Variants in SNX9 observed in about 807,000 individuals in gnomAD.
SNX9 encodes sorting nexin 9, also known as sorting nexin-9.
SNX9 carries 44 observed loss-of-function variants against 89.4 expected under a neutral mutation model. The observed-to-expected ratio is 0.49, with a 90% confidence interval of 0.39 to 0.63. SNX9 has a LOEUF of 0.63. Ranked by LOEUF, SNX9 falls within the 30% of genes least tolerant of loss-of-function variation. The probability of loss-of-function intolerance (pLI) is 0.00; values close to 1 mark genes in which losing one functional copy is unlikely to be tolerated. For synonymous variants in SNX9, 236 were observed against 247.8 expected, an observed-to-expected ratio of 0.95 and a Z score of 0.45; for missense variants, 578 against 736.1, an observed-to-expected ratio of 0.79 and a Z score of 2.49.
intron 10 of SNX9, among the ~76,000 whole-genome samples, chr6:157,923,829 C>T (rs1308121561): frequency 6.6e-6 from 1 of 152,210 alleles, no homozygotes. Flanking sequence ...ATAGTCTTTT[C>T]AGTAATTGGT....
intron 1 of SNX9, among the ~76,000 whole-genome samples, chr6:157,848,932 T>C (rs1055735130): frequency 1.3e-5 from 2 of 152,014 alleles, no homozygotes; most frequent in African/African-American, 4.8e-5. Flanking sequence ...AGAGGGAAGG[T>C]TGTGACATGT....
rs1446161332 is a variant in SNX9, at chr6:157,901,998, A to G, written c.573A>G (p.Arg191=). 31 of 1,613,998 alleles carry G rather than the reference A, an allele frequency of 1.9e-5. No individual in the cohort carries two copies. Among genetic ancestry groups the G allele is most frequent in the Non-Finnish European group, 2.6e-5 (31 of 1,179,972 alleles). Residue 191 remains arginine, a synonymous_variant, in exon 6 of 18, where the codon CGA becomes CGG. Coordinates refer to ENST00000392185, the MANE Select transcript of SNX9 (RefSeq NM_016224.5). ...SESADAGGAQ[R]GNSRASSSSM... ...CAGCTGATGCAGGCGGCGCTCAGCG[A>G]GGAAACAGTCGTGCTAGTTCCTCAT...
intron 10 of SNX9, among the ~76,000 whole-genome samples, chr6:157,922,147 G>T (rs1209829661): frequency 6.6e-6 from 1 of 152,164 alleles, no homozygotes; most frequent in East Asian, 1.9e-4. Flanking sequence ...GTCAGTGCTG[G>T]CCTCTCTCTC....
At chr6:157,845,099 A>G (rs1292364106) in intron 1 of SNX9, among the ~76,000 whole-genome samples, 1 of 132,454 alleles carries the variant, frequency 7.5e-6, no homozygotes, top group Non-Finnish European at 1.6e-5. Flanking sequence ...GCCCTTTCCC[A>G]TTTGTCTTTT....
intron 4 of SNX9, among the ~76,000 whole-genome samples, chr6:157,894,913 G>T (rs578135254): frequency 6.6e-6 from 1 of 152,306 alleles, no homozygotes; most frequent in Admixed American, 6.5e-5. Flanking sequence ...GAAAGGAGAG[G>T]TTTATAGGCA....
At chr6:157,882,218 A>G (rs1236524952) in intron 4 of SNX9, among the ~76,000 whole-genome samples, 1 of 152,234 alleles carries the variant, frequency 6.6e-6, no homozygotes, top group Non-Finnish European at 1.5e-5. Context: ...TGAATAGCCA[A>G]GCCTGGATGA....
chr6:157,855,536 A>G (rs1379835504), intron 1 of SNX9, among the ~76,000 whole-genome samples: 1 of 152,212 alleles, frequency 6.6e-6, no homozygotes, highest in East Asian at 1.9e-4. Flanking sequence ...TGGTGTTAGC[A>G]GAGTTTTGCT....
chr6:157,834,499 A>AC lies in SNX9; in HGVS notation c.12+11060dup, dbSNP rs201216200. Among the ~76,000 whole-genome samples, 609 of 147,710 alleles carry AC rather than the reference A, an allele frequency of 4.1e-3. 6 individuals carry two copies. Among genetic ancestry groups the AC allele is most frequent in the Middle Eastern group, 0.024 (7 of 286 alleles). The stretch of plus-strand genomic sequence containing the variant: ...GTAGCTTGGACTACAGCTGTGTGCC[A>AC]CCCCCCCGGCCAATTTTTTAAATTT... On this transcript the variant is annotated intron_variant, in intron 1 of 17. Transcript: ENST00000392185.
rs140187140 is a variant in SNX9 at position 157,927,447 on chromosome 6, T to C, written c.1184+233T>C. On this transcript the variant is annotated intron_variant, in intron 11 of 17. Coordinates refer to ENST00000392185, the MANE Select transcript of SNX9 (RefSeq NM_016224.5). ...TTTCACCTTGAAGCCAGTGATTTCA[T>C]AGTTGACACGGTGCTGAGTAGCTGT... 2.6e-3 allele frequency among the ~76,000 whole-genome samples: 390 copies of C among 152,312 alleles called. 1 individual carries two copies. The highest frequency in any genetic ancestry group is 8.7e-3 in the African/African-American group (363 of 41,568).
chr6:157,825,448 A>T lies in SNX9; in HGVS notation c.12+2002A>T, dbSNP rs1316352021. 3.3e-5 allele frequency among the ~76,000 whole-genome samples: 5 copies of T among 152,294 alleles called. No individual in the cohort carries two copies. The East Asian group carries it at 9.6e-4, about 29-fold the overall frequency. On this transcript the variant is annotated intron_variant, in intron 1 of 17. Coordinates refer to ENST00000392185, the MANE Select transcript of SNX9 (RefSeq NM_016224.5). ...TTATTTCATAGTTAATCCTGAACTT[A>T]ATTTTTTTCCAAAAAATCGAAAAGT...
intron 4 of SNX9, among the ~76,000 whole-genome samples, chr6:157,878,155 G>C (rs1358888901): frequency 1.6e-4 from 24 of 152,216 alleles, no homozygotes. Flanking sequence ...GGTGAGCAGA[G>C]TTGCTGGTGT....
Position 157,918,359 on chromosome 6 carries a change from C to T in SNX9, c.950-3172C>T, listed in dbSNP as rs572073024. On this transcript the variant is annotated intron_variant, in intron 9 of 17. Coordinates refer to ENST00000392185, the MANE Select transcript of SNX9 (RefSeq NM_016224.5). ...ACCTCTTATATCATGAGGTGTCCCCCATTGTCTCTAGTAAGATTTCCTGTG... is the reference window on the plus strand; with the variant it reads ...ACCTCTTATATCATGAGGTGTCCCCTATTGTCTCTAGTAAGATTTCCTGTG... Among the ~76,000 whole-genome samples, 3 of 152,206 alleles carry T rather than the reference C, an allele frequency of 2.0e-5. No homozygotes were observed. The South Asian group carries it at 6.2e-4, about 32-fold the overall frequency.
intron 1 of SNX9, among the ~76,000 whole-genome samples, chr6:157,839,791 C>G (rs1380699038): frequency 6.6e-6 from 1 of 152,182 alleles, no homozygotes; most frequent in East Asian, 1.9e-4. Flanking sequence ...GGCCTTTCCT[C>G]CTGCCCCTCA....
chr6:157,901,154 G>A (rs1253918022), intron 5 of SNX9, among the ~76,000 whole-genome samples: 1 of 152,138 alleles, frequency 6.6e-6, no homozygotes, highest in African/African-American at 2.4e-5. Flanking sequence ...ACATGCTGTT[G>A]GCTCATTCTG....
chr6:157,836,802 C>A (rs9365485), intron 1 of SNX9, among the ~76,000 whole-genome samples: 67,871 of 151,716 alleles, frequency 0.45, 16,117 homozygotes, highest in Admixed American at 0.58. Context: ...CATGTTAGCC[C>A]GGATGGTCTC....
At chr6:157,854,975 C>T (rs1332180447) in intron 1 of SNX9, among the ~76,000 whole-genome samples, 1 of 149,234 alleles carries the variant, frequency 6.7e-6, no homozygotes, top group Non-Finnish European at 1.5e-5. Flanking sequence ...AAAAACCCCA[C>T]AACACTACAA....
rs372541232 is a variant in SNX9, at chr6:157,901,987, G to A, written c.562G>A (p.Gly188Ser). The A allele has an allele frequency of 2.5e-5, 40 of 1,613,524 alleles. No homozygotes were observed. The highest frequency in any genetic ancestry group is 1.6e-4 in the Middle Eastern group (1 of 6,084). ...FKDSESADAG[G>S]AQRGNSRASS... ...GGATTCAGAGTCAGCTGATGCAGGC[G>A]GCGCTCAGCGAGGAAACAGTCGTGC... Residue 188 changes from glycine to serine, a missense_variant, in exon 6 of 18, where the codon GGC becomes AGC. This residue lies in a region of SNX9 where 230 missense variants were observed against 244.7 expected (regional missense o/e 0.94). Coordinates refer to ENST00000392185, the MANE Select transcript of SNX9 (RefSeq NM_016224.5).
chr6:157,921,721 A>C, intron 10 of SNX9, 60 bp downstream of exon 10: 2 of 1,540,790 alleles, frequency 1.3e-6, no homozygotes, highest in East Asian at 2.3e-5. Flanking sequence ...TTCACACCAA[A>C]CTTATTTCTG....
chr6:157,893,844 T>G (rs1192350941), intron 4 of SNX9, among the ~76,000 whole-genome samples: 1 of 152,124 alleles, frequency 6.6e-6, no homozygotes, highest in Non-Finnish European at 1.5e-5. Context: ...GATGCTAAAG[T>G]TTATACATAA....
Sources: gnomAD v4.1 joint callset for allele counts (sites outside exome capture counted in the v4.1 genomes callset) on GRCh38, gnomAD v4.1.1 for gene constraint, gnomAD v4.1.1 regional missense constraint, MANE v1.5 for transcripts, NCBI Gene and HGNC (gene_info 2026-07-23, HGNC 2026-07-21) for gene names.